Variants in SPOCK3 observed in about 807,000 individuals in gnomAD.
The protein encoded by SPOCK3 is SPARC (osteonectin), cwcv and kazal like domains proteoglycan 3.
SPOCK3 carries 30 observed loss-of-function variants against 56.6 expected under a neutral mutation model. The observed-to-expected ratio is 0.53, with a 90% CI of 0.40 to 0.72. SPOCK3 has a LOEUF of 0.72. SPOCK3 is among the 30% of genes least tolerant of loss of function. The pLI is 0.00. For missense variants in SPOCK3, 527 were observed against 530.0 expected, an observed-to-expected ratio of 0.99 and a Z score of 0.06; for synonymous variants, 196 against 183.3, an observed-to-expected ratio of 1.07 and a Z score of -0.56.
intron 4 of SPOCK3, among the ~76,000 whole-genome samples, chr4:166,978,741 AT>A (rs1448411957): frequency 2.0e-5 from 3 of 152,184 alleles, no homozygotes; most frequent in African/African-American, 7.2e-5. Flanking sequence ...ACTAAGTGTG[AT>A]CTCAAAGTAA....
chr4:166,950,406 C>A (rs867191440), intron 4 of SPOCK3, among the ~76,000 whole-genome samples: 5 of 151,632 alleles, frequency 3.3e-5, no homozygotes, highest in Admixed American at 2.0e-4. Context: ...TACATATGCA[C>A]CCAATACAGG....
At chr4:167,158,954 G>C (rs1229358379) in intron 2 of SPOCK3, among the ~76,000 whole-genome samples, 2 of 151,914 alleles carry the variant, frequency 1.3e-5, no homozygotes, top group Non-Finnish European at 2.9e-5. Context: ...TAGTTAACCA[G>C]AAAAGTGTTC....
chr4:167,071,798 ACT>A (rs1218753685), intron 2 of SPOCK3, among the ~76,000 whole-genome samples: 6 of 152,018 alleles, frequency 3.9e-5, no homozygotes, highest in Admixed American at 2.6e-4. Context: ...GAATAGCCAC[ACT>A]GTCTTCCACA....
In SPOCK3 at chr4:166,857,321, C is replaced by T. The variant is rs28688883; in HGVS notation, c.589+31809G>A. Among the ~76,000 whole-genome samples, 689 of 152,274 alleles carry T rather than the reference C, an allele frequency of 4.5e-3. 9 individuals carry two copies. Among genetic ancestry groups the T allele is most frequent in the African/African-American group, 0.016 (659 of 41,566 alleles). ...CTCAGACCCCACCTCTGGCAGGAAGCTGAGCTGCATTCACACTGGTGGGTG... is the reference window on the plus strand; with the variant it reads ...CTCAGACCCCACCTCTGGCAGGAAGTTGAGCTGCATTCACACTGGTGGGTG... On this transcript the variant is annotated intron_variant, in intron 6 of 10. Coordinates refer to ENST00000357545, the MANE Select transcript of SPOCK3 (RefSeq NM_001040159.2).
chr4:166,823,628 G>T (rs1745161580), intron 6 of SPOCK3, among the ~76,000 whole-genome samples: 1 of 152,072 alleles, frequency 6.6e-6, no homozygotes. Context: ...AGAGAAGAAT[G>T]AATTCTCACC....
intron 3 of SPOCK3, among the ~76,000 whole-genome samples, chr4:167,032,510 A>G (rs1309116391): frequency 1.3e-5 from 2 of 151,938 alleles, no homozygotes; most frequent in South Asian, 2.1e-4. Flanking sequence ...GTAAAATCAC[A>G]TAATGGATTT....
intron 3 of SPOCK3, among the ~76,000 whole-genome samples, chr4:167,015,260 A>G (rs2150152124): frequency 6.6e-6 from 1 of 152,244 alleles, no homozygotes. Flanking sequence ...CAATGTTTAT[A>G]AAAGACTTGG....
intron 3 of SPOCK3, among the ~76,000 whole-genome samples, chr4:167,036,018 A>G (rs1443918263): frequency 6.6e-6 from 1 of 152,216 alleles, no homozygotes; most frequent in Non-Finnish European, 1.5e-5. Flanking sequence ...GCTTCCGCTG[A>G]ACGCAGCTCC....
intron 2 of SPOCK3, among the ~76,000 whole-genome samples, chr4:167,219,142 A>T (rs186703281): frequency 1.3e-3 from 202 of 152,320 alleles, no homozygotes; most frequent in African/African-American, 4.5e-3. Flanking sequence ...TTTTAGATGA[A>T]TCTGACTGCC....
intron 2 of SPOCK3, chr4:167,083,131 CA>C (rs1757874241): frequency 1.3e-6 from 1 of 761,496 alleles, no homozygotes; most frequent in Non-Finnish European, 2.4e-6. Context: ...TAACTAATTA[CA>C]GCTTTATGGT....
chr4:167,089,560 T>C (rs1233578268), intron 2 of SPOCK3, among the ~76,000 whole-genome samples: 1 of 152,148 alleles, frequency 6.6e-6, no homozygotes, highest in Admixed American at 6.5e-5. Flanking sequence ...AATACACATA[T>C]CCAGTATATT....
chr4:166,754,287 C>A, intron 8 of SPOCK3: 8 of 1,259,234 alleles, frequency 6.4e-6, no homozygotes, highest in Non-Finnish European at 8.0e-6. Context: ...GGCATTAATA[C>A]AAAATATTAA....
chr4:166,857,927 A>G (rs1730859074), intron 6 of SPOCK3, among the ~76,000 whole-genome samples: 2 of 152,204 alleles, frequency 1.3e-5, no homozygotes, highest in Non-Finnish European at 2.9e-5. Context: ...ATAACATTAC[A>G]ATGGAATAAA....
chr4:167,007,825 G>A (rs1300588270), intron 3 of SPOCK3, among the ~76,000 whole-genome samples: 1 of 152,136 alleles, frequency 6.6e-6, no homozygotes, highest in Non-Finnish European at 1.5e-5. Context: ...CTCCTCTCGT[G>A]AGTGAAGGTG....
At chr4:167,143,474 A>G (rs2150402747) in intron 2 of SPOCK3, among the ~76,000 whole-genome samples, 1 of 152,126 alleles carries the variant, frequency 6.6e-6, no homozygotes, top group South Asian at 2.1e-4. Context: ...GTAAGTGATC[A>G]TTATTTTTAG....
Position 167,094,528 on chromosome 4 carries a change from A to G in SPOCK3, c.190-31991T>C, listed in dbSNP as rs189540726. ...GTAAAGAGAAAAAAATCTAACAATC[A>G]TATCAATTAATGCTGAATAAATATT... On this transcript the variant is annotated intron_variant, in intron 2 of 10. Transcript: ENST00000357545. Among the ~76,000 whole-genome samples the G allele has an allele frequency of 3.4e-4, 52 of 152,200 alleles. 1 individual carries two copies. The East Asian group carries it at 8.9e-3, about 26-fold the overall frequency.
intron 2 of SPOCK3, among the ~76,000 whole-genome samples, chr4:167,129,514 T>C (rs1368614469): frequency 6.6e-6 from 1 of 152,230 alleles, no homozygotes; most frequent in Admixed American, 6.5e-5. Flanking sequence ...GAGCAATCTC[T>C]TTCTTGTATA....
At chr4:167,086,744 A>C (rs1159615225) in intron 2 of SPOCK3, among the ~76,000 whole-genome samples, 1 of 152,088 alleles carries the variant, frequency 6.6e-6, no homozygotes, top group Non-Finnish European at 1.5e-5. Context: ...ATAAATATCT[A>C]CTTTACTCAA....
At chr4:166,948,065 C>A (rs1161534749) in intron 4 of SPOCK3, among the ~76,000 whole-genome samples, 1 of 152,148 alleles carries the variant, frequency 6.6e-6, no homozygotes, top group Non-Finnish European at 1.5e-5. Flanking sequence ...ATTCTACTCT[C>A]CTATGGGCTC....
Sources: allele counts gnomAD v4.1 joint callset (sites outside exome capture counted in the v4.1 genomes callset), GRCh38; gene constraint gnomAD v4.1.1; transcripts MANE v1.5; gene names NCBI Gene and HGNC (gene_info 2026-07-23, HGNC 2026-07-21).